CCDC191: variants seen among roughly 807,000 people sequenced by gnomAD.
The protein encoded by CCDC191 is coiled-coil domain-containing protein 191.
CCDC191 carries 99 observed loss-of-function variants against 114.0 expected under a neutral mutation model. The observed-to-expected ratio is 0.87, with a 90% CI of 0.74 to 1.03. The LOEUF (loss-of-function observed/expected upper bound fraction) is 1.03, where lower values mean the gene tolerates loss of function less well. CCDC191 is among the 50% of genes least tolerant of loss of function. The pLI is 0.00. For synonymous variants in CCDC191, 351 were observed against 376.0 expected (o/e 0.93, Z 0.77); for missense variants, 973 against 1,087.0 (o/e 0.90, Z 1.47).
At chr3:114,001,469 AAAG>A in intron 13 of CCDC191, 123 bp downstream of exon 13, 1 of 1,325,720 alleles carries the variant, frequency 7.5e-7, no homozygotes, top group Non-Finnish European at 1.0e-6. Flanking sequence ...AAGATAGAGA[AAAG>A]AAGTGAGGGT....
At chr3:114,053,096 C>T (rs2107767545) in intron 2 of CCDC191, among the ~76,000 whole-genome samples, 1 of 152,294 alleles carries the variant, frequency 6.6e-6, no homozygotes, top group Middle Eastern at 3.4e-3. Context: ...TGTTCATTAG[C>T]CTAACATTAA....
At chr3:114,001,723 T>C (rs749475117) in intron 12 of CCDC191, 27 bp from the exon 13 acceptor site, 16 of 1,612,108 alleles carry the variant, frequency 9.9e-6, no homozygotes, top group African/African-American at 1.3e-5. Context: ...CCCAGAAATA[T>C]CAGAACCCTC....
Position 113,964,552 on chromosome 3 carries a change from T to C in CCDC191, c.*603A>G, listed in dbSNP as rs555973423. 2 of 152,358 alleles carry C rather than the reference T, an allele frequency of 1.3e-5. No homozygotes were observed. Among genetic ancestry groups the C allele is most frequent in the East Asian group, 3.9e-4 (2 of 5,186 alleles). The allele number at this position is 152,358 out of a possible 1,614,324, so 9.4% of individuals were successfully genotyped here. ...CTATTACCTTTTGGAATGTCCTTCA[T>C]GCTTATCAAGGTGCACGGAAGAGAA... On this transcript the variant is annotated 3_prime_UTR_variant, in exon 17 of 17. Coordinates refer to ENST00000295878, the MANE Select transcript of CCDC191 (RefSeq NM_020817.2).
intron 8 of CCDC191, among the ~76,000 whole-genome samples, chr3:114,013,832 A>G (rs1218923682): frequency 2.0e-5 from 3 of 152,204 alleles, no homozygotes; most frequent in African/African-American, 7.2e-5. Flanking sequence ...TACAAGTCAG[A>G]AGAAGAATGC....
chr3:114,006,610 ATATAT>A lies in CCDC191; in HGVS notation c.1414-653_1414-649del, dbSNP rs1559903218. Among the ~76,000 whole-genome samples the A allele has an allele frequency of 3.9e-5, 5 of 128,352 alleles. No homozygotes were observed. The East Asian group carries it at 1.2e-3, about 30-fold the overall frequency. The allele number at this position is 128,352 out of a possible 152,430, so 84.2% of individuals were successfully genotyped here. On this transcript the variant is annotated intron_variant, in intron 9 of 16. Coordinates refer to ENST00000295878, the MANE Select transcript of CCDC191 (RefSeq NM_020817.2). ...CAGATATATATATATATATATATAT[ATATAT>A]ATAAATATATATATTTTATATATAA...
intron 2 of CCDC191, 46 bp downstream of exon 2, chr3:114,053,545 ATTATGC>A: frequency 9.1e-7 from 1 of 1,095,006 alleles, no homozygotes; most frequent in Middle Eastern, 2.4e-4. Flanking sequence ...TTTCCATCTG[ATTATGC>A]TTGACTCTTA....
chr3:114,012,260 A>G (rs1327864760), intron 8 of CCDC191, among the ~76,000 whole-genome samples: 3 of 152,044 alleles, frequency 2.0e-5, no homozygotes, highest in Non-Finnish European at 4.4e-5. Flanking sequence ...TCACCAAATA[A>G]TATTTACCCT....
rs765718906 is a variant in CCDC191, at chr3:114,034,964, A to G, written c.779T>C (p.Ile260Thr). The G allele has an allele frequency of 1.9e-6, 3 of 1,613,868 alleles. No homozygotes were observed. In the African/African-American group the frequency reaches 4.0e-5, roughly 22 times the overall value. ...QREMVKLRRE[I>T]IERRRTVKAA... ...TTTCACAGTGCGTCTCCTCTCAATT[A>G]TCTCCCTCCGCAGCTTCACCATCTC... The change falls in exon 6 of 17, where the codon ATA becomes ACA. Residue 260 changes from isoleucine (I) to threonine (T), a missense_variant. Coordinates refer to ENST00000295878, the MANE Select transcript of CCDC191 (RefSeq NM_020817.2).
At chr3:113,974,063 T>C (rs1239270221) in intron 16 of CCDC191, among the ~76,000 whole-genome samples, 2 of 152,168 alleles carry the variant, frequency 1.3e-5, no homozygotes, top group East Asian at 3.9e-4. Context: ...CATTTGGCTG[T>C]TGAAAACATC....
In CCDC191 at chr3:113,978,842, T is replaced by G. The variant is rs200905232; in HGVS notation, c.2460+16A>C. ...GCAATGAGATGTATTTAAGGTACCC[T>G]TCCCTATGTCCTTACCTGTAGCCAG... On this transcript the variant is annotated intron_variant, in intron 15 of 16. Transcript: ENST00000295878. 6.2e-7 allele frequency: 1 copy of G among 1,609,244 alleles called. No individual in the cohort carries two copies. The highest frequency in any genetic ancestry group is 8.5e-7 in the Non-Finnish European group (1 of 1,177,054).
chr3:114,042,130 G>C (rs1024205597), intron 4 of CCDC191, among the ~76,000 whole-genome samples: 2 of 152,168 alleles, frequency 1.3e-5, no homozygotes, highest in Admixed American at 1.3e-4. Flanking sequence ...AATGATATAT[G>C]AGGAAGAGGC....
chr3:114,011,837 A>G (rs2076075462), intron 8 of CCDC191, among the ~76,000 whole-genome samples: 1 of 152,204 alleles, frequency 6.6e-6, no homozygotes. Context: ...ATTTGGTGGC[A>G]GTCAGTTGAG....
At chr3:114,017,776 T>C (rs577133115) in intron 8 of CCDC191, among the ~76,000 whole-genome samples, 30 of 152,220 alleles carry the variant, frequency 2.0e-4, no homozygotes, top group South Asian at 4.1e-4. Context: ...GATGGGTCAA[T>C]AGGTGCAGCA....
In CCDC191 at chr3:114,004,636, C is replaced by A; in HGVS notation, c.1978+1G>T. On this transcript the variant is annotated splice_donor_variant, in intron 11 of 16. Transcript: ENST00000295878. LOFTEE classifies it high-confidence loss of function. Reference sequence around the variant, plus strand: ...CAAGGCCACCACCGAGACAGCCCTGCCTTTTAGTATGGGATGCGGTGTCAT... The same window carrying A: ...CAAGGCCACCACCGAGACAGCCCTGACTTTTAGTATGGGATGCGGTGTCAT... 6.2e-7 allele frequency: 1 copy of A among 1,611,834 alleles called. No individual in the cohort carries two copies. Among genetic ancestry groups the A allele is most frequent in the Middle Eastern group, 1.7e-4 (1 of 6,050 alleles).
chr3:113,991,799 A>G (rs752213709), intron 13 of CCDC191, among the ~76,000 whole-genome samples: 25 of 152,228 alleles, frequency 1.6e-4, no homozygotes, highest in Admixed American at 1.6e-3. Flanking sequence ...TGGAACCAAA[A>G]AGTGAGTTTA....
chr3:114,007,096 A>G (rs2075984461), intron 9 of CCDC191, among the ~76,000 whole-genome samples: 1 of 152,248 alleles, frequency 6.6e-6, no homozygotes, highest in Non-Finnish European at 1.5e-5. Flanking sequence ...AATCCCATTT[A>G]ATAGACTGAG....
At chr3:114,018,047 G>A (rs2076188312) in intron 8 of CCDC191, among the ~76,000 whole-genome samples, 1 of 152,108 alleles carries the variant, frequency 6.6e-6, no homozygotes, top group South Asian at 2.1e-4. Context: ...CTGTTATAAA[G>A]GTGTCAAAAA....
intron 4 of CCDC191, chr3:114,037,102 C>CA (rs539414997): frequency 1.3e-4 from 21 of 161,958 alleles, no homozygotes; most frequent in Non-Finnish European, 2.1e-4. Flanking sequence ...CTACTGCTTT[C>CA]AAAAAAAAGA....
chr3:113,979,933 ATC>A (rs972046335), intron 14 of CCDC191, among the ~76,000 whole-genome samples: 2 of 152,212 alleles, frequency 1.3e-5, no homozygotes, highest in African/African-American at 4.8e-5. Flanking sequence ...GATTTCATAT[ATC>A]TCTCTGCAGT....
Sources: gnomAD v4.1 joint callset for allele counts (sites outside exome capture counted in the v4.1 genomes callset) on GRCh38, gnomAD v4.1.1 for gene constraint, MANE v1.5 for transcripts, NCBI Gene and HGNC (gene_info 2026-07-23, HGNC 2026-07-21) for gene names.